Variants in P4HA2 observed in about 807,000 individuals in gnomAD.
P4HA2 encodes the protein prolyl 4-hydroxylase subunit alpha 2, also known as prolyl 4-hydroxylase subunit alpha-2.
A neutral mutation model predicts 76.9 loss-of-function variants in P4HA2; 46 were observed. The observed-to-expected ratio is 0.60, with a 90% CI of 0.47 to 0.76. The LOEUF (loss-of-function observed/expected upper bound fraction) is 0.76, where lower values mean the gene tolerates loss of function less well. Among genes scored for constraint, P4HA2 ranks in the 30% least tolerant of loss-of-function variants. The pLI, the probability that P4HA2 is intolerant of heterozygous loss-of-function variation, is 0.00. For missense variants in P4HA2, 583 were observed against 669.4 expected (o/e 0.87, Z 1.42); for synonymous variants, 243 against 254.0 (o/e 0.96, Z 0.41).
At chr5:132,206,223 G>A (rs181350821) in intron 8 of P4HA2, among the ~76,000 whole-genome samples, 1 of 152,320 alleles carries the variant, frequency 6.6e-6, no homozygotes, top group African/African-American at 2.4e-5. Flanking sequence ...GAACGGGTAA[G>A]AAATCTCTCA....
Position 132,204,124 on chromosome 5 carries a change from T to C in P4HA2, c.1109A>G (p.Lys370Arg). Residue 370 changes from lysine (K) to arginine (R), a missense_variant, in exon 9 of 15, where the codon AAG becomes AGG. Physicochemically the swap from Lys to Arg is conservative, Grantham distance 26. Coordinates refer to ENST00000360568, the MANE Select transcript of P4HA2 (RefSeq NM_001017974.2). ...GCTGGCGACAGTGAGGACTCCTGTC[T>C]TGGGATCACGAACGGTGGCTCGTGC... ...KLARATVRDPKTGVLTVASYR... is the reference protein window; with the variant it reads ...KLARATVRDPRTGVLTVASYR... 2 of 1,613,950 alleles carry C rather than the reference T, an allele frequency of 1.2e-6. No homozygotes were observed. The highest frequency in any genetic ancestry group is 4.5e-5 in the East Asian group (2 of 44,880).
chr5:132,219,515 A>G (rs1339290111), intron 1 of P4HA2, among the ~76,000 whole-genome samples: 2 of 151,970 alleles, frequency 1.3e-5, no homozygotes, highest in Non-Finnish European at 2.9e-5. Context: ...CTGGCAGTAA[A>G]CCTCAGTCCA....
chr5:132,206,728 G>A (rs1242664592), intron 8 of P4HA2, among the ~76,000 whole-genome samples: 1 of 152,136 alleles, frequency 6.6e-6, no homozygotes. Context: ...GGAAATTCAG[G>A]AATGAGACAA....
At chr5:132,226,056 G>T (rs1755349747) in intron 1 of P4HA2, among the ~76,000 whole-genome samples, 2 of 152,206 alleles carry the variant, frequency 1.3e-5, no homozygotes, top group Non-Finnish European at 2.9e-5. Flanking sequence ...AGCAACCAGA[G>T]AGACTGGGCG....
In P4HA2 at chr5:132,198,882, A is replaced by T; in HGVS notation, c.1302T>A (p.Ser434=). Residue 434 remains serine (S), a synonymous_variant, in exon 11 of 15, where the codon TCT becomes TCA. Transcript: ENST00000360568. ...GGQYEPHFDF[S]RRPFDSGLKT... is the part of the protein sequence containing the mutation. ...GCACCTGTGATTTAGGCCTTACCCTAGAGAAGTCGAAGTGCGGTTCATACT... is the reference window on the plus strand; with the variant it reads ...GCACCTGTGATTTAGGCCTTACCCTTGAGAAGTCGAAGTGCGGTTCATACT... The T allele has an allele frequency of 6.2e-7, 1 of 1,609,626 alleles. No individual in the cohort carries two copies. The highest frequency in any genetic ancestry group is 8.5e-7 in the Non-Finnish European group (1 of 1,175,824).
Position 132,209,222 on chromosome 5 carries a change from T to C in P4HA2, c.819A>G (p.Pro273=), listed in dbSNP as rs1240312206. 1.2e-6 allele frequency: 2 copies of C among 1,613,738 alleles called. No homozygotes were observed. The highest frequency in any genetic ancestry group is 1.7e-6 in the Non-Finnish European group (2 of 1,179,764). ...CCACAGGCCTCTCATAGATGCCTTCTGGGGTTGCTAGCTCAGCTTCTGTCT... is the reference window on the plus strand; with the variant it reads ...CCACAGGCCTCTCATAGATGCCTTCCGGGGTTGCTAGCTCAGCTTCTGTCT... ...TNQTEAELAT[P]EGIYERPVDY... Residue 273 remains proline, a synonymous_variant, in exon 7 of 15, where the codon CCA becomes CCG. Transcript: ENST00000360568.
intron 8 of P4HA2, among the ~76,000 whole-genome samples, chr5:132,207,279 G>A (rs1752331206): frequency 6.6e-6 from 1 of 152,280 alleles, no homozygotes; most frequent in East Asian, 1.9e-4. Flanking sequence ...CATGCCCTTG[G>A]ATGAGAAGAC....
intron 11 of P4HA2, 139 bp downstream of exon 11, chr5:132,198,740 T>C (rs1225279834): frequency 1.5e-6 from 1 of 675,196 alleles, no homozygotes; most frequent in Non-Finnish European, 2.7e-6. Context: ...AACGAAGAGT[T>C]TCCCCTGGTG....
At chr5:132,218,047 G>T in intron 2 of P4HA2, 199 bp from the exon 3 acceptor site, 1 of 508,626 alleles carries the variant, frequency 2.0e-6, no homozygotes, top group South Asian at 2.9e-5. Flanking sequence ...GGAAGAAAGA[G>T]GCAGAGGCAC....
At position 132,194,928 on chromosome 5, in the gene P4HA2, C is replaced by T; in HGVS notation, c.1529G>A (p.Trp510Ter). The change falls in exon 14 of 15, where the codon TGG becomes TAG. Residue 510 changes from tryptophan (W) to a stop codon, truncating the protein, a stop_gained and splice_region_variant. Transcript: ENST00000360568. LOFTEE classifies it high-confidence loss of function. ...ACACTACCCCTTAAGACACTCACCC[C>T]ACTTGCAGCCCACAAGCACAGGGCA... ...AACPVLVGCK[W>*]VSNKWFHERG... is the part of the protein sequence containing the mutation. 1 of 1,606,788 alleles carries T rather than the reference C, an allele frequency of 6.2e-7. No homozygotes were observed. The highest frequency in any genetic ancestry group is 8.5e-7 in the Non-Finnish European group (1 of 1,173,236).
chr5:132,197,608 C>CAAAAAAAA (rs555319735), intron 12 of P4HA2, among the ~76,000 whole-genome samples: 24 of 55,180 alleles, frequency 4.3e-4, no homozygotes, highest in African/African-American at 1.3e-3. Context: ...ACTCCATCTC[C>CAAAAAAAA]AAAAAAAAAA....
intron 5 of P4HA2, among the ~76,000 whole-genome samples, chr5:132,210,813 T>C (rs903545733): frequency 6.6e-6 from 1 of 151,994 alleles, no homozygotes; most frequent in Non-Finnish European, 1.5e-5. Context: ...CAGGAAGCAT[T>C]GTTGAGGACA....
intron 8 of P4HA2, among the ~76,000 whole-genome samples, chr5:132,206,152 C>T (rs1752180333): frequency 6.6e-6 from 1 of 152,214 alleles, no homozygotes; most frequent in South Asian, 2.1e-4. Flanking sequence ...TGGCCAGCCA[C>T]ACACATGTGT....
At chr5:132,198,476 T>G (rs1751019717) in intron 11 of P4HA2, 96 bp from the exon 12 acceptor site, 5 of 1,142,356 alleles carry the variant, frequency 4.4e-6, no homozygotes, top group Non-Finnish European at 5.2e-6. Context: ...GTAATAAGTG[T>G]GTGTTCCATA....
rs745738112 is a variant in P4HA2, at chr5:132,203,778, C to T, written c.1221G>A (p.Gly407=). The change falls in exon 10 of 15, where the codon GGG becomes GGA. Residue 407 remains glycine, a synonymous_variant. Transcript: ENST00000360568. ...ACAATTCTGCAGTCTTTACTGTTAA[C>T]CCTGTGATATGCTGCATCCGACGAT... ...RVNRRMQHIT[G]LTVKTAELLQ... is the part of the protein sequence containing the mutation. 1.9e-6 allele frequency: 3 copies of T among 1,611,784 alleles called. No individual in the cohort carries two copies. In the Admixed American group the frequency reaches 5.0e-5, roughly 27 times the overall value.
chr5:132,217,855 G>GGGAGA lies in P4HA2; in HGVS notation c.83-12_83-8dup, dbSNP rs748409873. ...ATCAGGTCAGTCATGTGCCCTGCAAGGGAGAGAAGAAAGACACCAGTGAGA... is the reference window on the plus strand; with the variant it reads ...ATCAGGTCAGTCATGTGCCCTGCAAGGGAGAGGAGAGAAGAAAGACACCAGTGAGA... On this transcript the variant is annotated splice_region_variant and splice_polypyrimidine_tract_variant and intron_variant, in intron 2 of 14. Coordinates refer to ENST00000360568, the MANE Select transcript of P4HA2 (RefSeq NM_001017974.2). 2 of 1,576,830 alleles carry GGGAGA rather than the reference G, an allele frequency of 1.3e-6. No individual in the cohort carries two copies. Among genetic ancestry groups the GGGAGA allele is most frequent in the Non-Finnish European group, 1.7e-6 (2 of 1,150,698 alleles).
intron 8 of P4HA2, among the ~76,000 whole-genome samples, chr5:132,204,589 A>G (rs1002720216): frequency 6.6e-6 from 1 of 152,004 alleles, no homozygotes; most frequent in African/African-American, 2.4e-5. Flanking sequence ...ACTTCTCTCA[A>G]TTGAGTCAAG....
intron 1 of P4HA2, among the ~76,000 whole-genome samples, chr5:132,219,185 C>G (rs1464906964): frequency 1.3e-5 from 2 of 152,140 alleles, no homozygotes. Flanking sequence ...GATGGCCAGC[C>G]AGAAGAGGAA....
intron 2 of P4HA2, 35 bp downstream of exon 2, chr5:132,218,510 G>A (rs778848372): frequency 3.5e-6 from 5 of 1,429,144 alleles, no homozygotes; most frequent in Non-Finnish European, 4.9e-6. Flanking sequence ...TGTGAGCCAA[G>A]GTGTCAGGGA....
Sources: allele counts gnomAD v4.1 joint callset (sites outside exome capture counted in the v4.1 genomes callset), GRCh38; gene constraint gnomAD v4.1.1; transcripts MANE v1.5; gene names NCBI Gene and HGNC (gene_info 2026-07-23, HGNC 2026-07-21).